The following SLC16A7 variants were observed in gnomAD, a reference collection of about 807,000 sequenced individuals.
The protein encoded by SLC16A7 is monocarboxylate transporter 2.
Under a neutral mutation model 34.9 loss-of-function variants are expected in SLC16A7, and 33 were observed. That is an observed-to-expected ratio of 0.94 (90% CI 0.72 to 1.26). The LOEUF is 1.26. Ranked by LOEUF, SLC16A7 falls within the 50% of genes most tolerant of loss-of-function variation. SLC16A7 has a pLI of 0.00. For missense variants in SLC16A7, 573 were observed against 578.1 expected (o/e 0.99, Z 0.09); for synonymous variants, 201 against 206.6 (o/e 0.97, Z 0.23).
chr12:59,745,092 C>A (rs907902366), intron 3 of SLC16A7, among the ~76,000 whole-genome samples: 1 of 152,122 alleles, frequency 6.6e-6, no homozygotes, highest in African/African-American at 2.4e-5. Flanking sequence ...CAGGTATTTA[C>A]ACCCCTCCCC....
rs1883681142 is a variant in SLC16A7 at position 59,787,149 on chromosome 12, C to CT, written c.*7475dup. The CT allele has an allele frequency of 6.6e-6, 1 of 151,854 alleles. No homozygotes were observed. The highest frequency in any genetic ancestry group is 1.5e-5 in the Non-Finnish European group (1 of 67,952). The allele number at this position is 151,854 out of a possible 1,614,324, so 9.4% of individuals were successfully genotyped here. A position where few individuals can be genotyped will look rare whatever the true frequency, so the allele number is the denominator to read the frequency against. On this transcript the variant is annotated 3_prime_UTR_variant, in exon 6 of 6. Transcript: ENST00000547379. ...TTAATTCCTTTTTTATTTTATGTTCCTTTTTATTTTAGAAGCAGTGTTCAT... is the reference window on the plus strand; with the variant it reads ...TTAATTCCTTTTTTATTTTATGTTCCTTTTTTATTTTAGAAGCAGTGTTCAT...
At chr12:59,772,668 G>A (rs528142149) in intron 4 of SLC16A7, among the ~76,000 whole-genome samples, 3 of 152,186 alleles carry the variant, frequency 2.0e-5, no homozygotes, top group East Asian at 1.9e-4. Flanking sequence ...TCATGGGTAC[G>A]TTAACCTCCT....
intron 1 of SLC16A7, among the ~76,000 whole-genome samples, chr12:59,629,751 T>TC (rs1303726519): frequency 6.6e-6 from 1 of 151,640 alleles, no homozygotes; most frequent in East Asian, 1.9e-4. Flanking sequence ...ACTTTTTTTT[T>TC]CACTGTGGGT....
Position 59,761,077 on chromosome 12 carries a change from A to G in SLC16A7, c.218-10142A>G, listed in dbSNP as rs573686352. 1.6e-4 allele frequency: 123 copies of G among 791,584 alleles called. 4 individuals carry two copies. In the South Asian group the frequency reaches 1.7e-3, roughly 11 times the overall value. The allele number at this position is 791,584 out of a possible 1,614,324, so 49.0% of individuals were successfully genotyped here. On this transcript the variant is annotated intron_variant, in intron 3 of 5. Coordinates refer to ENST00000547379, the MANE Select transcript of SLC16A7 (RefSeq NM_001270623.2). Reference sequence around the variant, plus strand: ...ATTTAAAAAATCACGTCTTGACAATATGATATTTAATTGAAGAAGTTACTG... The same window carrying G: ...ATTTAAAAAATCACGTCTTGACAATGTGATATTTAATTGAAGAAGTTACTG...
rs1337754018 is a variant in SLC16A7, at chr12:59,789,592, G to GA, written c.*9916dup. On this transcript the variant is annotated 3_prime_UTR_variant, in exon 6 of 6. Coordinates refer to ENST00000547379, the MANE Select transcript of SLC16A7 (RefSeq NM_001270623.2). ...GAGCTTTATTTATTGTTTTTGGACA[G>GA]AAAGTTTGGTGGGAAGGTTGCAATA... is the stretch of plus-strand genomic sequence containing the variant. The GA allele has an allele frequency of 6.6e-6, 1 of 152,050 alleles. No individual in the cohort carries two copies. Among genetic ancestry groups the GA allele is most frequent in the Non-Finnish European group, 1.5e-5 (1 of 67,994 alleles). 9.4% of individuals were successfully genotyped at this position (152,050 alleles called of 1,614,324 possible). A position where few individuals can be genotyped will look rare whatever the true frequency, so the allele number is the denominator to read the frequency against.
intron 3 of SLC16A7, among the ~76,000 whole-genome samples, chr12:59,740,946 G>C: frequency 6.6e-6 from 1 of 152,128 alleles, no homozygotes; most frequent in South Asian, 2.1e-4. Flanking sequence ...AATCATGTGT[G>C]AACTCCCTTT....
chr12:59,694,931 A>G (rs1397925120), intron 2 of SLC16A7, among the ~76,000 whole-genome samples: 1 of 151,964 alleles, frequency 6.6e-6, no homozygotes, highest in African/African-American at 2.4e-5. Context: ...CCATTTGTTG[A>G]AAGGAACTCT....
chr12:59,680,568 T>G (rs1481494318), intron 2 of SLC16A7, among the ~76,000 whole-genome samples: 1 of 152,170 alleles, frequency 6.6e-6, no homozygotes, highest in Admixed American at 6.5e-5. Context: ...TCTTTTTACC[T>G]CTATCCCTGA....
intron 1 of SLC16A7, among the ~76,000 whole-genome samples, chr12:59,624,737 G>GT (rs1879846887): frequency 7.2e-6 from 1 of 138,436 alleles, no homozygotes; most frequent in African/African-American, 2.9e-5. Context: ...TGCATTGTTA[G>GT]TTGTGTGTGT....
At chr12:59,704,299 C>T (rs1409752435) in intron 2 of SLC16A7, among the ~76,000 whole-genome samples, 23 of 150,326 alleles carry the variant, frequency 1.5e-4, no homozygotes, top group Admixed American at 1.5e-3. Flanking sequence ...CAACAGAAAG[C>T]AATAAAAAAA....
chr12:59,732,623 C>T (rs1877087345), intron 3 of SLC16A7, among the ~76,000 whole-genome samples: 1 of 152,162 alleles, frequency 6.6e-6, no homozygotes, highest in South Asian at 2.1e-4. Context: ...GTTTCAAACT[C>T]CTTTCTTCCT....
At chr12:59,621,884 C>A (rs1052866286) in intron 1 of SLC16A7, among the ~76,000 whole-genome samples, 14 of 151,682 alleles carry the variant, frequency 9.2e-5, no homozygotes, top group African/African-American at 1.5e-4. Flanking sequence ...GGAAATTATG[C>A]ATTTTAGTTA....
intron 2 of SLC16A7, among the ~76,000 whole-genome samples, chr12:59,688,562 T>C (rs1592499933): frequency 6.6e-6 from 1 of 152,088 alleles, no homozygotes; most frequent in East Asian, 1.9e-4. Context: ...GATACTTACC[T>C]GTACCATAAC....
At chr12:59,700,312 T>C (rs1872731199) in intron 2 of SLC16A7, among the ~76,000 whole-genome samples, 1 of 151,676 alleles carries the variant, frequency 6.6e-6, no homozygotes, top group Non-Finnish European at 1.5e-5. Flanking sequence ...CTTCCATGAA[T>C]AATGAGAATC....
intron 1 of SLC16A7, among the ~76,000 whole-genome samples, chr12:59,654,687 G>A (rs1272060168): frequency 7.0e-6 from 1 of 142,590 alleles, no homozygotes; most frequent in Non-Finnish European, 1.5e-5. Context: ...ACACACATAG[G>A]CATGCACACA....
chr12:59,634,942 A>G (rs1880350000), intron 1 of SLC16A7, among the ~76,000 whole-genome samples: 1 of 152,034 alleles, frequency 6.6e-6, no homozygotes, highest in Non-Finnish European at 1.5e-5. Context: ...CTTGCCTGTT[A>G]TGGTTTCCAC....
At chr12:59,764,351 CT>C (rs1881337299) in intron 3 of SLC16A7, among the ~76,000 whole-genome samples, 1 of 152,130 alleles carries the variant, frequency 6.6e-6, no homozygotes, top group Non-Finnish European at 1.5e-5. Context: ...TATTATTATA[CT>C]TTAAGTTTTA....
intron 1 of SLC16A7, among the ~76,000 whole-genome samples, chr12:59,635,795 G>A (rs1880394030): frequency 6.6e-6 from 1 of 151,848 alleles, no homozygotes. Flanking sequence ...TTCTTCAGAG[G>A]AAGGTAGACT....
chr12:59,755,417 G>C (rs1031719157), intron 3 of SLC16A7, among the ~76,000 whole-genome samples: 5 of 152,102 alleles, frequency 3.3e-5, no homozygotes, highest in South Asian at 2.1e-4. Context: ...TCTCAGGATA[G>C]AAAATTAATG....
Sources: allele counts gnomAD v4.1 joint callset (sites outside exome capture counted in the v4.1 genomes callset), GRCh38; gene constraint gnomAD v4.1.1; transcripts MANE v1.5; gene names NCBI Gene and HGNC (gene_info 2026-07-23, HGNC 2026-07-21).